Variants in CDH13 observed in about 807,000 individuals in gnomAD.
CDH13 encodes cadherin-13.
CDH13 carries 24 observed loss-of-function variants against 63.8 expected under a neutral mutation model. The ratio of observed to expected loss-of-function variants is 0.38; its 90% CI spans 0.27 to 0.53. The LOEUF is 0.53. Ranked by LOEUF, CDH13 falls within the 20% of genes least tolerant of loss-of-function variation. The pLI, the probability that CDH13 is intolerant of heterozygous loss-of-function variation, is 0.85. For missense variants in CDH13, 1,049 were observed against 903.1 expected (o/e 1.16, Z -2.07); for synonymous variants, 503 against 355.3 (o/e 1.42, Z -4.67).
chr16:83,600,024 A>G (rs1243783515), intron 7 of CDH13, among the ~76,000 whole-genome samples: 2 of 152,196 alleles, frequency 1.3e-5, no homozygotes, highest in South Asian at 2.1e-4. Flanking sequence ...AGCCACTTCC[A>G]TTAGGCTCAA....
chr16:83,174,483 C>G (rs778079073), intron 4 of CDH13, among the ~76,000 whole-genome samples: 7 of 151,990 alleles, frequency 4.6e-5, no homozygotes, highest in Non-Finnish European at 1.0e-4. Flanking sequence ...CAGAATATTT[C>G]TGAGCCAGAA....
chr16:83,326,416 C>A (rs917912227), intron 5 of CDH13, among the ~76,000 whole-genome samples: 1 of 150,206 alleles, frequency 6.7e-6, no homozygotes, highest in Non-Finnish European at 1.5e-5. Context: ...ATGGACACCA[C>A]ACTTGGTGCT....
intron 10 of CDH13, among the ~76,000 whole-genome samples, chr16:83,712,933 G>T (rs1418411355): frequency 6.6e-6 from 1 of 152,212 alleles, no homozygotes; most frequent in Non-Finnish European, 1.5e-5. Context: ...TCCGCAAAGT[G>T]ACTTTGAAGT....
chr16:83,786,349 G>A (rs576037051), intron 13 of CDH13, among the ~76,000 whole-genome samples: 1 of 152,266 alleles, frequency 6.6e-6, no homozygotes, highest in South Asian at 2.1e-4. Context: ...CTGCACGTCA[G>A]AACCACTTAG....
chr16:83,707,839 A>AAAAAAAAAAAAAAAAAAAAAAAG, intron 10 of CDH13, among the ~76,000 whole-genome samples: 1 of 72,512 alleles, frequency 1.4e-5, no homozygotes, highest in East Asian at 2.6e-4. Context: ...CTAAAGGCAA[A>AAAAAAAAAAAAAAAAAAAAAAAG]AAAAAAAAAA....
intron 7 of CDH13, among the ~76,000 whole-genome samples, chr16:83,584,185 G>T (rs113481716): frequency 0.17 from 25,177 of 152,110 alleles, 2,299 homozygotes; most frequent in Middle Eastern, 0.26. Context: ...AAAAAAATTA[G>T]CCGGGCATAG....
chr16:83,593,825 G>A (rs868514075), intron 7 of CDH13, among the ~76,000 whole-genome samples: 2 of 152,132 alleles, frequency 1.3e-5, no homozygotes, highest in Middle Eastern at 3.2e-3. Context: ...GATTGTCATA[G>A]CCACGATAGC....
chr16:82,796,328 C>G (rs543466918), intron 1 of CDH13, among the ~76,000 whole-genome samples: 1 of 152,190 alleles, frequency 6.6e-6, no homozygotes, highest in Non-Finnish European at 1.5e-5. Flanking sequence ...TCTTTCCAAT[C>G]TCGCTCTTCT....
intron 5 of CDH13, among the ~76,000 whole-genome samples, chr16:83,264,802 C>A (rs1271415927): frequency 1.3e-5 from 2 of 151,690 alleles, no homozygotes; most frequent in African/African-American, 4.8e-5. Flanking sequence ...ATTATACTAT[C>A]ATCATACTAT....
intron 6 of CDH13, among the ~76,000 whole-genome samples, chr16:83,440,887 G>A (rs531446295): frequency 5.9e-5 from 9 of 151,966 alleles, no homozygotes; most frequent in East Asian, 3.9e-4. Context: ...TTTGCCAAGC[G>A]AAGAAAAGAT....
chr16:82,781,477 A>G (rs1186668276), intron 1 of CDH13, among the ~76,000 whole-genome samples: 4 of 152,074 alleles, frequency 2.6e-5, no homozygotes, highest in Admixed American at 6.5e-5. Context: ...AGCTACCCAC[A>G]CACCTATACA....
rs1222215371 is a variant in CDH13, at chr16:83,631,583, A to G, written c.1101+28989A>G. 2.6e-5 allele frequency among the ~76,000 whole-genome samples: 4 copies of G among 152,130 alleles called. No homozygotes were observed. In the East Asian group the frequency reaches 7.7e-4, roughly 29 times the overall value. ...GTTACAGCTTGAGGTGGACAGTGTCAAAATGGCAAGCTCCCCAAAGAGGAA... is the reference window on the plus strand; with the variant it reads ...GTTACAGCTTGAGGTGGACAGTGTCGAAATGGCAAGCTCCCCAAAGAGGAA... On this transcript the variant is annotated intron_variant, in intron 8 of 13. Transcript: ENST00000567109.
intron 10 of CDH13, among the ~76,000 whole-genome samples, chr16:83,743,748 C>CTTTTTTTTTTTTTTCTTTTT (rs1912284302): frequency 1.3e-5 from 1 of 76,256 alleles, no homozygotes; most frequent in Non-Finnish European, 2.2e-5. Context: ...TTTCTTTTTT[C>CTTTTTTTTTTTTTTCTTTTT]TTTTTTTTTT....
intron 4 of CDH13, among the ~76,000 whole-genome samples, chr16:83,138,086 T>C (rs145993716): frequency 2.0e-5 from 3 of 152,130 alleles, no homozygotes; most frequent in African/African-American, 7.2e-5. Flanking sequence ...GGTTTAATTG[T>C]TCCCATCTGT....
At chr16:83,395,677 G>C (rs2091873928) in intron 6 of CDH13, among the ~76,000 whole-genome samples, 1 of 152,174 alleles carries the variant, frequency 6.6e-6, no homozygotes. Flanking sequence ...GCAGGCTACA[G>C]CCAGCCGGTG....
intron 7 of CDH13, among the ~76,000 whole-genome samples, chr16:83,521,290 G>T (rs182832234): frequency 6.6e-6 from 1 of 151,664 alleles, no homozygotes; most frequent in Non-Finnish European, 1.5e-5. Context: ...CGGCCACCCT[G>T]TATGACTGTG....
chr16:82,998,263 C>T (rs116334719), intron 2 of CDH13, among the ~76,000 whole-genome samples: 3,391 of 152,256 alleles, frequency 0.022, 117 homozygotes, highest in African/African-American at 0.074. Context: ...ATTTTAATAA[C>T]ATCTTGTGTC....
At chr16:83,175,001 G>A (rs560216672) in intron 4 of CDH13, among the ~76,000 whole-genome samples, 1 of 152,096 alleles carries the variant, frequency 6.6e-6, no homozygotes, top group East Asian at 1.9e-4. Context: ...ATTAAAATTT[G>A]AGGTGAGATT....
chr16:83,779,033 A>G (rs1915318765), intron 11 of CDH13, among the ~76,000 whole-genome samples: 1 of 152,206 alleles, frequency 6.6e-6, no homozygotes, highest in Non-Finnish European at 1.5e-5. Flanking sequence ...AATAGATTTC[A>G]GTGTGTGAGA....
Sources: gnomAD v4.1 joint callset for allele counts (sites outside exome capture counted in the v4.1 genomes callset) on GRCh38, gnomAD v4.1.1 for gene constraint, MANE v1.5 for transcripts, NCBI Gene and HGNC (gene_info 2026-07-23, HGNC 2026-07-21) for gene names.